Variants in SLC5A4 observed in about 807,000 individuals in gnomAD.
The protein encoded by SLC5A4 is solute carrier family 5 member 4.
A neutral mutation model predicts 70.3 loss-of-function variants in SLC5A4; 55 were observed. That is an observed-to-expected ratio of 0.78 (90% CI 0.63 to 0.98). The LOEUF is 0.98. Among genes scored for constraint, SLC5A4 ranks in the 50% least tolerant of loss-of-function variants. The pLI is 0.00. For synonymous variants in SLC5A4, 268 were observed against 305.7 expected (o/e 0.88, Z 1.29); for missense variants, 735 against 839.2 (o/e 0.88, Z 1.53).
chr22:32,244,222 G>A (rs1926691093), intron 5 of SLC5A4, among the ~76,000 whole-genome samples: 1 of 152,108 alleles, frequency 6.6e-6, no homozygotes, highest in African/African-American at 2.4e-5. Flanking sequence ...TAATATTGAG[G>A]GAAGATTTCA....
At chr22:32,346,184 T>A in the SLC5A4 span, among the ~76,000 whole-genome samples, 2 of 152,208 alleles carry the variant, frequency 1.3e-5, no homozygotes, top group African/African-American at 2.4e-5. Context: ...GGCAGCAATT[T>A]ATCCCTGAAT....
chr22:32,265,700 T>G, the SLC5A4 span, among the ~76,000 whole-genome samples: 1 of 151,880 alleles, frequency 6.6e-6, no homozygotes, highest in African/African-American at 2.4e-5. Context: ...ATTAGCTGGG[T>G]GTGGTGGCTC....
rs150048948 is a variant in SLC5A4, at chr22:32,249,504, G to A, written c.313-702C>T. Among the ~76,000 whole-genome samples, 1,322 of 152,262 alleles carry A rather than the reference G, an allele frequency of 8.7e-3. 9 individuals are homozygous for A. The highest frequency in any genetic ancestry group is 0.014 in the Non-Finnish European group (926 of 68,028). On this transcript the variant is annotated intron_variant, in intron 3 of 14. Transcript: ENST00000266086. ...ATTAAAACAAAGCTCCAGCCATAGG[G>A]CATATCTGGAGGCTGGGTCCATCCT...
At chr22:32,308,850 G>A in the SLC5A4 span, among the ~76,000 whole-genome samples, 1 of 148,148 alleles carries the variant, frequency 6.8e-6, no homozygotes, top group Admixed American at 6.6e-5. Flanking sequence ...GTATGCATAT[G>A]TATGCATGTG....
intron 14 of SLC5A4, among the ~76,000 whole-genome samples, chr22:32,220,195 C>T (rs1358384312): frequency 2.0e-5 from 3 of 151,906 alleles, no homozygotes; most frequent in Admixed American, 6.6e-5. Context: ...ATCTGAATAC[C>T]AAAACCAAAG....
At chr22:32,254,429 C>T (rs1297513661) in intron 1 of SLC5A4, among the ~76,000 whole-genome samples, 1 of 152,200 alleles carries the variant, frequency 6.6e-6, no homozygotes, top group Admixed American at 6.5e-5. Flanking sequence ...AAATCATAAT[C>T]CTTAACTTCT....
At chr22:32,287,296 G>A in the SLC5A4 span, among the ~76,000 whole-genome samples, 1 of 152,124 alleles carries the variant, frequency 6.6e-6, no homozygotes, top group Admixed American at 6.5e-5. Context: ...TGTGGCCAAG[G>A]AGAGTGATGG....
chr22:32,306,061 T>C, the SLC5A4 span, among the ~76,000 whole-genome samples: 3 of 152,202 alleles, frequency 2.0e-5, no homozygotes, highest in Non-Finnish European at 4.4e-5. Flanking sequence ...TGACAAATTA[T>C]GTGGGCACAG....
the SLC5A4 span, among the ~76,000 whole-genome samples, chr22:32,345,221 CAT>C: frequency 5.3e-5 from 8 of 152,202 alleles, no homozygotes; most frequent in African/African-American, 1.9e-4. Context: ...TTAACTAAAA[CAT>C]GTGCTACAAT....
In SLC5A4 at chr22:32,240,021, TCA is replaced by T. The variant is rs1491465432; in HGVS notation, c.478-933_478-932del. On this transcript the variant is annotated intron_variant, in intron 5 of 14. Coordinates refer to ENST00000266086, the MANE Select transcript of SLC5A4 (RefSeq NM_014227.3). ...CTGGGTGACAGAGCGAGACTCCATC[TCA>T]AAAAAAAAAAAAAAAAAAAAGAAAG... Among the ~76,000 whole-genome samples, 4 of 40,874 alleles carry T rather than the reference TCA, an allele frequency of 9.8e-5. No homozygotes were observed. The East Asian group carries it at 2.2e-3, about 22-fold the overall frequency. 26.8% of individuals were successfully genotyped at this position (40,874 alleles called of 152,430 possible).
At chr22:32,279,006 G>A in the SLC5A4 span, among the ~76,000 whole-genome samples, 1 of 152,246 alleles carries the variant, frequency 6.6e-6, no homozygotes, top group Non-Finnish European at 1.5e-5. Context: ...GCCGGGCGCG[G>A]TGGCTCACGC....
the SLC5A4 span, among the ~76,000 whole-genome samples, chr22:32,295,245 CT>C: frequency 4.8e-5 from 5 of 105,144 alleles, 2 homozygotes; most frequent in Non-Finnish European, 1.0e-4. Flanking sequence ...GCCACACTGA[CT>C]TCCACATTGG....
chr22:32,333,933 G>C, the SLC5A4 span, among the ~76,000 whole-genome samples: 1 of 137,668 alleles, frequency 7.3e-6, no homozygotes, highest in Non-Finnish European at 1.6e-5. Context: ...CATACACATA[G>C]ACACACGTCA....
At position 32,251,798 on chromosome 22, in the gene SLC5A4, C is replaced by T. The variant is rs779133801; in HGVS notation, c.284G>A (p.Gly95Glu). 3 of 1,613,490 alleles carry T rather than the reference C, an allele frequency of 1.9e-6. No homozygotes were observed. Among genetic ancestry groups the T allele is most frequent in the Admixed American group, 1.7e-5 (1 of 60,016 alleles). The part of the protein sequence containing the change: ...VGLAGTGAAS[G>E]VATVTFEWTS... ...CCATTCAAATGTTACGGTGGCGACT[C>T]CTGAAGCTGCTCCTGTCCCAGCCAG... The change falls in exon 3 of 15, where the codon GGA becomes GAA. Residue 95 changes from glycine (G) to glutamate (E), a missense_variant. Coordinates refer to ENST00000266086, the MANE Select transcript of SLC5A4 (RefSeq NM_014227.3).
the SLC5A4 span, among the ~76,000 whole-genome samples, chr22:32,320,505 G>A: frequency 1.3e-5 from 2 of 152,330 alleles, no homozygotes; most frequent in African/African-American, 4.8e-5. Context: ...CCTGCACAAT[G>A]GAGAGCCATG....
chr22:32,239,558 AT>A (rs1926333076), intron 5 of SLC5A4, among the ~76,000 whole-genome samples: 1 of 24,984 alleles, frequency 4.0e-5, no homozygotes, highest in South Asian at 7.4e-4. Context: ...ATATATATAT[AT>A]ATATATATAT....
the SLC5A4 span, among the ~76,000 whole-genome samples, chr22:32,304,659 T>C: frequency 6.6e-6 from 1 of 152,232 alleles, no homozygotes; most frequent in African/African-American, 2.4e-5. Context: ...TTTTTGCAAA[T>C]ATTTTCTCCC....
chr22:32,270,493 G>GA, the SLC5A4 span: 4 of 768,962 alleles, frequency 5.2e-6, no homozygotes, highest in Non-Finnish European at 6.9e-6. Flanking sequence ...CAGCACCCCC[G>GA]AAGCGGACAA....
chr22:32,309,500 A>G, the SLC5A4 span, among the ~76,000 whole-genome samples: 2 of 152,108 alleles, frequency 1.3e-5, no homozygotes, highest in Non-Finnish European at 2.9e-5. Context: ...CTATGCTTGA[A>G]CTTGTCACTA....
Sources: gnomAD v4.1 joint callset for allele counts (sites outside exome capture counted in the v4.1 genomes callset) on GRCh38, gnomAD v4.1.1 for gene constraint, MANE v1.5 for transcripts, NCBI Gene and HGNC (gene_info 2026-07-23, HGNC 2026-07-21) for gene names.